The following NEURL4 variants were observed in gnomAD, a reference collection of about 807,000 sequenced individuals.
NEURL4 encodes neuralized-like protein 4.
In NEURL4, 45 loss-of-function variants were observed where a neutral mutation model predicts 148.0. That is an observed-to-expected ratio of 0.30 (90% CI 0.24 to 0.39). NEURL4 has a LOEUF of 0.39. Ranked by LOEUF, NEURL4 falls within the 10% of genes least tolerant of loss-of-function variation. The pLI is 1.00. For missense variants in NEURL4, 1,776 were observed against 2,144.0 expected (o/e 0.83, Z 3.39); for synonymous variants, 854 against 869.0 (o/e 0.98, Z 0.30).
rs781209990 is a variant in NEURL4 at position 7,321,439 on chromosome 17, A to G, written c.3120T>C (p.Val1040=). 1.9e-6 allele frequency: 3 copies of G among 1,613,718 alleles called. No individual in the cohort carries two copies. The highest frequency in any genetic ancestry group is 1.6e-4 in the Middle Eastern group (1 of 6,082). ...ERLGVGSRVG[V]RRGADDTMHI... ...GCATCGTGTCATCTGCCCCCCGACG[A>G]ACACCCACACGGCTCCCCACCTAGG... is the stretch of plus-strand genomic sequence containing the variant. Residue 1040 remains valine (V), a synonymous_variant, in exon 19 of 29, where the codon GTT becomes GTC. Transcript: ENST00000399464. This position sits in a 1 kb window ranked among gnomAD's most constrained non-coding sequence, Gnocchi z 6.3.
rs2073062002 is a variant in NEURL4 at position 7,323,731 on chromosome 17, G to A, written c.2262-8C>T. On this transcript the variant is annotated splice_region_variant and splice_polypyrimidine_tract_variant and intron_variant, in intron 12 of 28. Transcript: ENST00000399464. ...TCTCCATCCCGCAGGGCCCTGCCAGGAGACTGGCGATCAGAGAGGCTCTAC... is the reference window on the plus strand; with the variant it reads ...TCTCCATCCCGCAGGGCCCTGCCAGAAGACTGGCGATCAGAGAGGCTCTAC... The A allele has an allele frequency of 6.2e-6, 10 of 1,613,996 alleles. No homozygotes were observed. The highest frequency in any genetic ancestry group is 7.6e-6 in the Non-Finnish European group (9 of 1,179,994).
Position 7,324,970 on chromosome 17 carries a change from C to A in NEURL4, c.1642G>T (p.Asp548Tyr). 1 of 1,614,106 alleles carries A rather than the reference C, an allele frequency of 6.2e-7. No homozygotes were observed. Among genetic ancestry groups the A allele is most frequent in the South Asian group, 1.1e-5 (1 of 91,082 alleles). The change falls in exon 9 of 29, where the codon GAC becomes TAC. Residue 548 changes from aspartate (D) to tyrosine (Y), a missense_variant. Asp to Tyr is a radical substitution (Grantham distance 160). Coordinates refer to ENST00000399464, the MANE Select transcript of NEURL4 (RefSeq NM_032442.3). The surrounding 1 kb of genome is among the most constrained non-coding windows in gnomAD (Gnocchi z 5.9). ...RTALRPHATD[D>Y]FNHGVVLSSR... ...CTCAGCACCACGCCGTGATTGAAGT[C>A]ATCGGTGGCACTGAGGGCACAGCAA...
At position 7,329,145 on chromosome 17, in the gene NEURL4, G is replaced by C; in HGVS notation, c.168C>G (p.Ala56=). The part of the protein sequence containing the change: ...PRTGRLVSLS[A]CGRTARRQQP... ...GCTGCCGCCGCGCCGTACGCCCACA[G>C]GCCGACAGGCTCACCAAGCGCCCAG... Residue 56 remains alanine (A), a synonymous_variant, in exon 1 of 29, where the codon GCC becomes GCG. Transcript: ENST00000399464. 1 of 1,608,516 alleles carries C rather than the reference G, an allele frequency of 6.2e-7. No homozygotes were observed. Among genetic ancestry groups the C allele is most frequent in the East Asian group, 2.2e-5 (1 of 44,780 alleles).
rs974315630 is a variant in NEURL4, at chr17:7,324,098, C to CGGCCCTCACCCACG, written c.2058_2062+9dup. The CGGCCCTCACCCACG allele has an allele frequency of 2.5e-6, 4 of 1,611,768 alleles. 1 individual carries two copies. The highest frequency in any genetic ancestry group is 1.7e-5 in the Admixed American group (1 of 59,984). On this transcript the variant is annotated intron_variant, in intron 11 of 28. Transcript: ENST00000399464. This position sits in a 1 kb window ranked among gnomAD's most constrained non-coding sequence, Gnocchi z 5.9. The stretch of plus-strand genomic sequence containing the variant: ...CCTAACCCCCAGCCCCAGCCCAGCC[C>CGGCCCTCACCCACG]GGCCCTCACCCACGTCGTCCACAAT...
rs755931561 is a variant in NEURL4, at chr17:7,321,684, G to A, written c.2975C>T (p.Pro992Leu). 4.3e-6 allele frequency: 7 copies of A among 1,613,680 alleles called. No individual in the cohort carries two copies. The highest frequency in any genetic ancestry group is 5.9e-6 in the Non-Finnish European group (7 of 1,180,014). ...EMGPGAGGGG[P>L]GLPPSLPELR... ...CTCTGGCAGGGAAGGAGGCAGCCCT[G>A]GGCCACCACCGCCTGCCCCGGGTCC... Residue 992 changes from proline to leucine, a missense_variant, in exon 18 of 29, where the codon CCA (proline) becomes CTA (leucine). Physicochemically the swap from Pro to Leu is moderately conservative, Grantham distance 98. Transcript: ENST00000399464. This position sits in a 1 kb window ranked among gnomAD's most constrained non-coding sequence, Gnocchi z 6.3.
intron 21 of NEURL4, among the ~76,000 whole-genome samples, 154 bp from the exon 22 acceptor site, chr17:7,319,362 G>GTTTCTTTCCCTCT (rs2072995211): frequency 8.2e-6 from 1 of 122,676 alleles, no homozygotes; most frequent in Admixed American, 8.5e-5. Context: ...TAATTTAGTT[G>GTTTCTTTCCCTCT]TTTCTTTCCC....
rs746078592 is a variant in NEURL4, at chr17:7,327,797, T to C, written c.370A>G (p.Lys124Glu). 5 of 1,613,908 alleles carry C rather than the reference T, an allele frequency of 3.1e-6. No individual in the cohort carries two copies. Among genetic ancestry groups the C allele is most frequent in the Non-Finnish European group, 4.2e-6 (5 of 1,180,008 alleles). Reference protein sequence around the residue: ...LDFPSSATGLKGGSWVVSGCS... With the variant: ...LDFPSSATGLEGGSWVVSGCS... ...CCCGACACTACCCACGAGCCCCCCT[T>C]CAGGCCCGTGGCACTGCTTGGAAAG... Residue 124 changes from lysine (K) to glutamate (E), a missense_variant, in exon 2 of 29, where the codon AAG (lysine) becomes GAG (glutamate). By Grantham distance (56) the Lys-to-Glu change is moderately conservative (BLOSUM62 1). Transcript: ENST00000399464. The surrounding 1 kb of genome is among the most constrained non-coding windows in gnomAD (Gnocchi z 6.6).
intron 22 of NEURL4, 46 bp downstream of exon 22, chr17:7,319,004 C>A: frequency 6.4e-7 from 1 of 1,550,480 alleles, no homozygotes; most frequent in South Asian, 1.2e-5. Context: ...CAGCCCTTCT[C>A]TACTCACAGG....
Position 7,329,262 on chromosome 17 carries a change from C to G in NEURL4, c.51G>C (p.Pro17=). ...GSGGSGGGPG[P]GPGGGGGPSG... ...TGGGGCCCCCACCCCCGCCCGGCCC[C>G]GGTCCAGGGCCTCCCCCAGAGCCCC... Residue 17 remains proline (P), a synonymous_variant, in exon 1 of 29, where the codon CCG becomes CCC. Coordinates refer to ENST00000399464, the MANE Select transcript of NEURL4 (RefSeq NM_032442.3). 3 of 1,426,692 alleles carry G rather than the reference C, an allele frequency of 2.1e-6. No individual in the cohort carries two copies. Among genetic ancestry groups the G allele is most frequent in the Non-Finnish European group, 2.8e-6 (3 of 1,080,488 alleles). The allele number at this position is 1,426,692 out of a possible 1,614,324, so 88.4% of individuals were successfully genotyped here.
intron 22 of NEURL4, 31 bp downstream of exon 22, chr17:7,319,019 G>A (rs761587664): frequency 5.0e-6 from 8 of 1,587,254 alleles, no homozygotes; most frequent in Non-Finnish European, 6.9e-6. Context: ...CACAGGCCTG[G>A]TCCTGTTCCT....
chr17:7,321,172 G>A lies in NEURL4; in HGVS notation c.3300C>T (p.Pro1100=). The stretch of plus-strand genomic sequence containing the variant: ...CGCCCTCACTGCCGGTGTCTGAACT[G>A]GGGGAAGGAGGCTGGGTGCCTTCTG... ...EESEGTQPPS[P]SSDTGSEGEE... Residue 1100 remains proline (P), a synonymous_variant, in exon 20 of 29, where the codon CCC becomes CCT. Coordinates refer to ENST00000399464, the MANE Select transcript of NEURL4 (RefSeq NM_032442.3). This position sits in a 1 kb window ranked among gnomAD's most constrained non-coding sequence, Gnocchi z 6.3. 6.2e-7 allele frequency: 1 copy of A among 1,613,942 alleles called. No homozygotes were observed. The highest frequency in any genetic ancestry group is 1.7e-5 in the Admixed American group (1 of 60,010).
chr17:7,326,683 G>A lies in NEURL4; in HGVS notation c.1092+28C>T, dbSNP rs532773694. ...CATCTTTAGCTCCCAGGGATAAGGCGCCAACCAGACCACAGGACTTTGCAC... is the reference window on the plus strand; with the variant it reads ...CATCTTTAGCTCCCAGGGATAAGGCACCAACCAGACCACAGGACTTTGCAC... On this transcript the variant is annotated intron_variant, in intron 4 of 28. Transcript: ENST00000399464. The surrounding 1 kb of genome is among the most constrained non-coding windows in gnomAD (Gnocchi z 6.0). 210 of 1,606,594 alleles carry A rather than the reference G, an allele frequency of 1.3e-4. No homozygotes were observed. The highest frequency in any genetic ancestry group is 3.5e-4 in the Middle Eastern group (2 of 5,732).
chr17:7,324,389 T>G lies in NEURL4; in HGVS notation c.1899+6A>C, dbSNP rs1432975237. On this transcript the variant is annotated splice_donor_region_variant and intron_variant, in intron 10 of 28. Coordinates refer to ENST00000399464, the MANE Select transcript of NEURL4 (RefSeq NM_032442.3). The surrounding 1 kb of genome is among the most constrained non-coding windows in gnomAD (Gnocchi z 5.9). ...CGGCCGCCAGGCGGCGCACCCACTTTCCCACCTTGAGGCGGTCCAGATTGT... is the reference window on the plus strand; with the variant it reads ...CGGCCGCCAGGCGGCGCACCCACTTGCCCACCTTGAGGCGGTCCAGATTGT... 1 of 1,613,982 alleles carries G rather than the reference T, an allele frequency of 6.2e-7. No individual in the cohort carries two copies. The highest frequency in any genetic ancestry group is 8.5e-7 in the Non-Finnish European group (1 of 1,179,990).
Position 7,321,174 on chromosome 17 carries a change from G to C in NEURL4, c.3298C>G (p.Pro1100Ala), listed in dbSNP as rs749935240. The C allele has an allele frequency of 1.4e-5, 22 of 1,613,872 alleles. No homozygotes were observed. The highest frequency in any genetic ancestry group is 1.8e-5 in the Non-Finnish European group (21 of 1,180,042). ...CCCTCACTGCCGGTGTCTGAACTGG[G>C]GGAAGGAGGCTGGGTGCCTTCTGAC... Reference protein sequence around the residue: ...EESEGTQPPSPSSDTGSEGEE... With the variant: ...EESEGTQPPSASSDTGSEGEE... The change falls in exon 20 of 29, where the codon CCC (proline) becomes GCC (alanine). Residue 1100 changes from proline to alanine, a missense_variant. Physicochemically the swap from Pro to Ala is conservative, Grantham distance 27 (BLOSUM62 -1). Coordinates refer to ENST00000399464, the MANE Select transcript of NEURL4 (RefSeq NM_032442.3). This position sits in a 1 kb window ranked among gnomAD's most constrained non-coding sequence, Gnocchi z 6.3.
chr17:7,322,884 G>T lies in NEURL4; in HGVS notation c.2594-18C>A, dbSNP rs780380495. 4 of 1,611,576 alleles carry T rather than the reference G, an allele frequency of 2.5e-6. No homozygotes were observed. The Admixed American group carries it at 6.7e-5, about 27-fold the overall frequency. On this transcript the variant is annotated intron_variant, in intron 15 of 28. Transcript: ENST00000399464. The surrounding 1 kb of genome is among the most constrained non-coding windows in gnomAD (Gnocchi z 5.5). ...ATACACCTCTGGGGAGGAGAGGGAA[G>T]GTCAGAAGCCTGACAGCCAGGTGGT...
chr17:7,327,947 A>G lies in NEURL4; in HGVS notation c.283-63T>C, dbSNP rs1054969055. 7 of 1,294,370 alleles carry G rather than the reference A, an allele frequency of 5.4e-6. No individual in the cohort carries two copies. In the East Asian group the frequency reaches 1.0e-4, roughly 19 times the overall value. 80.2% of individuals were successfully genotyped at this position (1,294,370 alleles called of 1,614,324 possible). ...CACCCCCCATTCCACAGGCCACCAT[A>G]TCTTCCCACCTCTCAGACAGCTAGC... On this transcript the variant is annotated intron_variant, in intron 1 of 28. Transcript: ENST00000399464. This position sits in a 1 kb window ranked among gnomAD's most constrained non-coding sequence, Gnocchi z 6.6.
Position 7,321,411 on chromosome 17 carries a change from T to A in NEURL4, c.3148A>T (p.Ile1050Phe). ...VRRGADDTMHILVDGEDMGPA... is the reference protein window; with the variant it reads ...VRRGADDTMHFLVDGEDMGPA... ...CCCATATCCTCTCCATCCACCAGGATGTGCATCGTGTCATCTGCCCCCCGA... is the reference window on the plus strand; with the variant it reads ...CCCATATCCTCTCCATCCACCAGGAAGTGCATCGTGTCATCTGCCCCCCGA... The change falls in exon 19 of 29, where the codon ATC becomes TTC. Residue 1050 changes from isoleucine (I) to phenylalanine (F), a missense_variant. Physicochemically the swap from Ile to Phe is conservative, Grantham distance 21. Transcript: ENST00000399464. This position sits in a 1 kb window ranked among gnomAD's most constrained non-coding sequence, Gnocchi z 6.3. The A allele has an allele frequency of 6.2e-7, 1 of 1,614,148 alleles. No individual in the cohort carries two copies.
rs966832326 is a variant in NEURL4, at chr17:7,321,920, T to A, written c.2816A>T (p.Tyr939Phe). The A allele has an allele frequency of 3.7e-6, 6 of 1,614,032 alleles. No individual in the cohort carries two copies. The highest frequency in any genetic ancestry group is 5.1e-6 in the Non-Finnish European group (6 of 1,180,012). Reference sequence around the variant, plus strand: ...GGTACTGAAGACAAGGCCATGAGCATAGCCAGCGGCACGCACTGCCCTCGT... The same window carrying A: ...GGTACTGAAGACAAGGCCATGAGCAAAGCCAGCGGCACGCACTGCCCTCGT... The part of the protein sequence containing the change: ...DGTRAVRAAG[Y>F]AHGLVFSTKE... Residue 939 changes from tyrosine to phenylalanine, a missense_variant, in exon 17 of 29, where the codon TAT becomes TTT. Tyr to Phe is a conservative substitution (Grantham distance 22, BLOSUM62 3). Coordinates refer to ENST00000399464, the MANE Select transcript of NEURL4 (RefSeq NM_032442.3). This position sits in a 1 kb window ranked among gnomAD's most constrained non-coding sequence, Gnocchi z 6.3.
Position 7,329,298 on chromosome 17 carries a change from C to A in NEURL4, c.15G>T (p.Ser5=). ...CTCCCCCAGAGCCCCCACTCCCACCCGACCCTGCCGCCATCTCCGCTGACA... is the reference window on the plus strand; with the variant it reads ...CTCCCCCAGAGCCCCCACTCCCACCAGACCCTGCCGCCATCTCCGCTGACA... MAAG[S]GGSGGSGGGP... The change falls in exon 1 of 29, where the codon TCG becomes TCT. Residue 5 remains serine (S), a synonymous_variant. Coordinates refer to ENST00000399464, the MANE Select transcript of NEURL4 (RefSeq NM_032442.3). 7.1e-7 allele frequency: 1 copy of A among 1,407,612 alleles called. No homozygotes were observed. The highest frequency in any genetic ancestry group is 1.5e-5 in the South Asian group (1 of 65,746). 87.2% of individuals were successfully genotyped at this position (1,407,612 alleles called of 1,614,324 possible).
Sources: allele counts gnomAD v4.1 joint callset (sites outside exome capture counted in the v4.1 genomes callset), GRCh38; gene constraint gnomAD v4.1.1; non-coding constraint Gnocchi (gnomAD v3.1); transcripts MANE v1.5; gene names NCBI Gene and HGNC (gene_info 2026-07-23, HGNC 2026-07-21).